KCNIP4: variants seen among roughly 807,000 people sequenced by gnomAD.
KCNIP4 encodes Kv channel-interacting protein 4.
KCNIP4 carries 12 observed loss-of-function variants against 34.0 expected under a neutral mutation model. The observed-to-expected ratio is 0.35, with a 90% confidence interval of 0.23 to 0.57. The LOEUF is 0.57. Ranked by LOEUF, KCNIP4 falls within the 20% of genes least tolerant of loss-of-function variation. KCNIP4 has a pLI of 0.83. For missense variants in KCNIP4, 238 were observed against 311.7 expected, an observed-to-expected ratio of 0.76 and a Z score of 1.78; for synonymous variants, 124 against 102.2, an observed-to-expected ratio of 1.21 and a Z score of -1.29.
intron 1 of KCNIP4, among the ~76,000 whole-genome samples, chr4:21,265,503 A>G (rs1178517747): frequency 1.3e-5 from 2 of 152,198 alleles, no homozygotes; most frequent in African/African-American, 4.8e-5. Context: ...TCATCCACTT[A>G]CCGAGTTGCC....
intron 1 of KCNIP4, among the ~76,000 whole-genome samples, chr4:21,278,558 T>G (rs909376593): frequency 6.6e-6 from 1 of 152,146 alleles, no homozygotes; most frequent in Non-Finnish European, 1.5e-5. Context: ...TATTCCATGA[T>G]GTATATGTAA....
At chr4:21,805,797 C>T (rs938898330) in intron 1 of KCNIP4, among the ~76,000 whole-genome samples, 1 of 152,134 alleles carries the variant, frequency 6.6e-6, no homozygotes, top group African/African-American at 2.4e-5. Context: ...TAAGCAAGTT[C>T]ATCTCACTTG....
At chr4:21,556,882 C>G (rs1321332298) in intron 1 of KCNIP4, among the ~76,000 whole-genome samples, 1 of 112,700 alleles carries the variant, frequency 8.9e-6, no homozygotes, top group Non-Finnish European at 1.8e-5. Context: ...GATTACGCCA[C>G]TGCACTCCAG....
rs73805253 is a variant in KCNIP4 at position 21,002,087 on chromosome 4, T to C, written c.62-119378A>G. On this transcript the variant is annotated intron_variant, in intron 1 of 8. Coordinates refer to ENST00000382152, the MANE Select transcript of KCNIP4 (RefSeq NM_025221.6). The stretch of plus-strand genomic sequence containing the variant: ...TTTGTTATAGTCTGTTTCCCTCTTC[T>C]TAGAGGAGATAAATAGGCAGCACTG... 5.2e-3 allele frequency among the ~76,000 whole-genome samples: 787 copies of C among 152,288 alleles called. 7 individuals carry two copies. The highest frequency in any genetic ancestry group is 0.018 in the African/African-American group (730 of 41,560).
At chr4:21,141,349 GCCCTAAGAA>G (rs146052494) in intron 1 of KCNIP4, among the ~76,000 whole-genome samples, 17 of 152,230 alleles carry the variant, frequency 1.1e-4, no homozygotes, top group Non-Finnish European at 2.2e-4. Flanking sequence ...GACTGTGAGT[GCCCTAAGAA>G]CAGGGAGTCT....
chr4:21,080,895 A>C (rs1745948778), intron 1 of KCNIP4, among the ~76,000 whole-genome samples: 1 of 151,922 alleles, frequency 6.6e-6, no homozygotes, highest in Admixed American at 6.6e-5. Flanking sequence ...AGAATTAATA[A>C]AACAGAAGAA....
chr4:21,727,358 G>A (rs1715271463), intron 1 of KCNIP4, among the ~76,000 whole-genome samples: 1 of 152,128 alleles, frequency 6.6e-6, no homozygotes, highest in Non-Finnish European at 1.5e-5. Context: ...GACACAGCAA[G>A]AAAGTACTAT....
At chr4:21,840,285 C>T (rs1723598703) in intron 1 of KCNIP4, among the ~76,000 whole-genome samples, 1 of 151,944 alleles carries the variant, frequency 6.6e-6, no homozygotes, top group African/African-American at 2.4e-5. Flanking sequence ...AGAACCTATA[C>T]ATTCTACCAC....
intron 1 of KCNIP4, among the ~76,000 whole-genome samples, chr4:21,504,475 A>AAAAAAAAAAAAAAAAAAAAAAAAG (rs1264431211): frequency 9.8e-6 from 1 of 101,852 alleles, no homozygotes; most frequent in African/African-American, 3.9e-5. Context: ...CAAAAAAAAA[A>AAAAAAAAAAAAAAAAAAAAAAAAG]AAAGAAAGAA....
intron 1 of KCNIP4, among the ~76,000 whole-genome samples, chr4:21,126,357 A>G (rs1433491): frequency 0.5 from 76,250 of 151,878 alleles, 20,065 homozygotes; most frequent in African/African-American, 0.66. Context: ...TGTTTGTTTC[A>G]CATACAGTAT....
chr4:21,105,285 G>C (rs1748411252), intron 1 of KCNIP4, among the ~76,000 whole-genome samples: 1 of 151,536 alleles, frequency 6.6e-6, no homozygotes, highest in Admixed American at 6.6e-5. Context: ...GCAGTGGTTT[G>C]CAGTTCTCCT....
intron 1 of KCNIP4, among the ~76,000 whole-genome samples, chr4:21,812,737 AT>A (rs146752725): frequency 0.011 from 1,748 of 152,280 alleles, 35 homozygotes; most frequent in African/African-American, 0.04. Context: ...CACAAAGATC[AT>A]ACAAAGATCC....
At chr4:21,232,948 G>C (rs1183776672) in intron 1 of KCNIP4, among the ~76,000 whole-genome samples, 1 of 152,088 alleles carries the variant, frequency 6.6e-6, no homozygotes, top group Non-Finnish European at 1.5e-5. Context: ...AGGTGGAGAG[G>C]TTCACTGAGG....
chr4:21,840,930 T>C (rs531024570), intron 1 of KCNIP4, among the ~76,000 whole-genome samples: 1 of 152,328 alleles, frequency 6.6e-6, no homozygotes, highest in African/African-American at 2.4e-5. Context: ...CAGTTTCTAT[T>C]GCTGACAACC....
In KCNIP4 at chr4:21,326,648, T is replaced by C. The variant is rs183972094; in HGVS notation, c.62-443939A>G. Among the ~76,000 whole-genome samples the C allele has an allele frequency of 3.3e-5, 5 of 151,920 alleles. No homozygotes were observed. In the East Asian group the frequency reaches 7.7e-4, roughly 24 times the overall value. ...AATCCATTTACATTCAAGGTTATCA[T>C]TGATAAATAGAGACTTACCCCTGCC... On this transcript the variant is annotated intron_variant, in intron 1 of 8. Transcript: ENST00000382152.
At chr4:21,349,557 G>C (rs1717802743) in intron 1 of KCNIP4, among the ~76,000 whole-genome samples, 1 of 152,120 alleles carries the variant, frequency 6.6e-6, no homozygotes, top group Non-Finnish European at 1.5e-5. Context: ...GGAATCTCTT[G>C]GCACCATAGA....
At chr4:20,997,988 G>A (rs1276829929) in intron 1 of KCNIP4, among the ~76,000 whole-genome samples, 1 of 152,188 alleles carries the variant, frequency 6.6e-6, no homozygotes, top group Admixed American at 6.5e-5. Context: ...AGGTAGAGCT[G>A]TTAAGCTGAT....
intron 1 of KCNIP4, among the ~76,000 whole-genome samples, chr4:21,314,248 G>A (rs1212240959): frequency 3.3e-5 from 5 of 152,142 alleles, no homozygotes; most frequent in Non-Finnish European, 5.9e-5. Flanking sequence ...GGGCTTGGCC[G>A]ATTAGGTCAG....
intron 5 of KCNIP4, among the ~76,000 whole-genome samples, chr4:20,746,060 A>G (rs993109820): frequency 6.6e-6 from 1 of 152,194 alleles, no homozygotes; most frequent in African/African-American, 2.4e-5. Context: ...TCATTCTACT[A>G]TAAAGACACA....
Sources: allele counts gnomAD v4.1 joint callset (sites outside exome capture counted in the v4.1 genomes callset), GRCh38; gene constraint gnomAD v4.1.1; transcripts MANE v1.5; gene names NCBI Gene and HGNC (gene_info 2026-07-23, HGNC 2026-07-21).